Variants in CPXM2 observed in about 807,000 individuals in gnomAD.
CPXM2 encodes inactive carboxypeptidase-like protein X2.
CPXM2 carries 66 observed loss-of-function variants against 86.1 expected under a neutral mutation model. The ratio of observed to expected loss-of-function variants is 0.77; its 90% CI spans 0.63 to 0.94. The LOEUF (loss-of-function observed/expected upper bound fraction) is 0.94, where lower values mean the gene tolerates loss of function less well. CPXM2 is among the 40% of genes least tolerant of loss of function. The probability of loss-of-function intolerance (pLI) is 0.00; values close to 1 mark genes in which losing one functional copy is unlikely to be tolerated. For synonymous variants in CPXM2, 388 were observed against 400.2 expected, an observed-to-expected ratio of 0.97 and a Z score of 0.36; for missense variants, 948 against 1,026.3, an observed-to-expected ratio of 0.92 and a Z score of 1.04.
chr10:123,883,982 T>C (rs975768437), intron 1 of CPXM2, among the ~76,000 whole-genome samples: 1 of 152,190 alleles, frequency 6.6e-6, no homozygotes, highest in South Asian at 2.1e-4. Flanking sequence ...GAATTGCCAA[T>C]GTGGGCCACA....
intron 1 of CPXM2, among the ~76,000 whole-genome samples, chr10:123,886,020 A>G (rs1216802869): frequency 6.6e-6 from 1 of 152,236 alleles, no homozygotes; most frequent in African/African-American, 2.4e-5. Flanking sequence ...GAAATTTGCC[A>G]GCATTAATAG....
intron 2 of CPXM2, among the ~76,000 whole-genome samples, chr10:123,898,115 G>C (rs1175988876): frequency 6.6e-6 from 1 of 152,212 alleles, no homozygotes; most frequent in East Asian, 1.9e-4. Flanking sequence ...CACCACACAA[G>C]AGACACTGAA....
chr10:123,881,253 CTTCCCTTCCCTTTA>C (rs1945087203), intron 1 of CPXM2, among the ~76,000 whole-genome samples: 1 of 130,860 alleles, frequency 7.6e-6, no homozygotes, highest in Non-Finnish European at 1.6e-5. Flanking sequence ...CTTCCCTTCC[CTTCCCTTCCCTTTA>C]CGCTCAAGCT....
intron 7 of CPXM2, chr10:123,776,869 G>A (rs1211342785): frequency 6.6e-6 from 1 of 152,202 alleles, no homozygotes; most frequent in African/African-American, 2.4e-5. Flanking sequence ...ATTTGATGCT[G>A]ACACAATATT....
At chr10:123,797,917 G>A in intron 6 of CPXM2, 59 bp downstream of exon 6, 2 of 1,451,148 alleles carry the variant, frequency 1.4e-6, no homozygotes, top group Admixed American at 4.7e-5. Context: ...TGTCTTGGCT[G>A]GGCATCTGTT....
Position 123,842,339 on chromosome 10 carries a change from G to A in CPXM2, c.653+10C>T, listed in dbSNP as rs1848403096. ...CAGGGTCCAGAAAGCATATGTCCAG[G>A]TACACTCACAGCCAGAGGGAGTTCC... On this transcript the variant is annotated intron_variant, in intron 4 of 13. Coordinates refer to ENST00000241305, the MANE Select transcript of CPXM2 (RefSeq NM_198148.3). 6.2e-7 allele frequency: 1 copy of A among 1,614,164 alleles called. No individual in the cohort carries two copies. Among genetic ancestry groups the A allele is most frequent in the East Asian group, 2.2e-5 (1 of 44,888 alleles).
chr10:123,798,202 A>AT (rs1847376135), intron 5 of CPXM2, 76 bp from the exon 6 acceptor site: 12 of 1,314,814 alleles, frequency 9.1e-6, no homozygotes, highest in Non-Finnish European at 1.2e-5. Context: ...GAATTCACTC[A>AT]TTCAACAAGA....
At chr10:123,892,903 C>T (rs546746944), upstream of CPXM2, among the ~76,000 whole-genome samples, 1 of 152,208 alleles carries the variant, frequency 6.6e-6, no homozygotes, top group African/African-American at 2.4e-5. Flanking sequence ...CTGGTCCTCG[C>T]ACGTGGGCCC....
Position 123,808,428 on chromosome 10 carries a change from C to T in CPXM2, c.654-9229G>A, listed in dbSNP as rs535479829. Among the ~76,000 whole-genome samples the T allele has an allele frequency of 3.3e-5, 5 of 152,164 alleles. No homozygotes were observed. In the South Asian group the frequency reaches 1.0e-3, roughly 32 times the overall value. On this transcript the variant is annotated intron_variant, in intron 4 of 13. Transcript: ENST00000241305. ...CTGAAAAAAAGAATAGTGAGTAATG[C>T]ACAAACACAAAAGCCAGGGTCGCCC...
intron 10 of CPXM2, 26 bp downstream of exon 10, chr10:123,766,947 T>C: frequency 1.3e-6 from 2 of 1,593,840 alleles, no homozygotes; most frequent in Non-Finnish European, 8.6e-7. Flanking sequence ...TTGGCTGCTT[T>C]ACAGATGACG....
intron 6 of CPXM2, among the ~76,000 whole-genome samples, chr10:123,793,027 T>C (rs1396178002): frequency 6.6e-6 from 1 of 152,134 alleles, no homozygotes; most frequent in Non-Finnish European, 1.5e-5. Context: ...GTTATTTTAT[T>C]TGAATGTTTT....
At chr10:123,876,319 T>A (rs1040199959) in intron 2 of CPXM2, among the ~76,000 whole-genome samples, 1 of 152,310 alleles carries the variant, frequency 6.6e-6, no homozygotes, top group East Asian at 1.9e-4. Flanking sequence ...GCTACCAACA[T>A]TGGGTCTATC....
At chr10:123,804,337 G>A (rs1257580183) in intron 4 of CPXM2, among the ~76,000 whole-genome samples, 1 of 152,078 alleles carries the variant, frequency 6.6e-6, no homozygotes, top group Non-Finnish European at 1.5e-5. Context: ...ACCAATTTTG[G>A]GGGAACTGAC....
At chr10:123,901,429 TTGTGTG>T (rs3069582) in intron 2 of CPXM2, among the ~76,000 whole-genome samples, 2,044 of 139,014 alleles carry the variant, frequency 0.015, 86 homozygotes, top group Admixed American at 0.088. Flanking sequence ...CCAAGCAAGT[TTGTGTG>T]TGTGTGTGTG....
intron 4 of CPXM2, among the ~76,000 whole-genome samples, chr10:123,833,916 CT>C (rs34378617): frequency 0.22 from 32,830 of 152,152 alleles, 3,653 homozygotes; most frequent in Middle Eastern, 0.37. Flanking sequence ...CAGCAGACCC[CT>C]TACAGGGCAC....
chr10:123,907,474 C>T (rs1272615997), intron 2 of CPXM2, among the ~76,000 whole-genome samples: 1 of 152,198 alleles, frequency 6.6e-6, no homozygotes, highest in East Asian at 1.9e-4. Context: ...TACCCACCCT[C>T]CCGCAGCACA....
chr10:123,879,502 A>AG (rs1945046692), intron 2 of CPXM2, among the ~76,000 whole-genome samples: 2 of 152,278 alleles, frequency 1.3e-5, no homozygotes, highest in South Asian at 4.1e-4. Flanking sequence ...ACCCATAGTC[A>AG]GGGGGGCACT....
At chr10:123,750,377 C>T in intron 13 of CPXM2, 1 of 971,910 alleles carries the variant, frequency 1.0e-6, no homozygotes, top group African/African-American at 1.8e-5. Flanking sequence ...TCCAGCCACA[C>T]AAGTCTTCCT....
chr10:123,786,239 G>A (rs576759141), intron 6 of CPXM2, among the ~76,000 whole-genome samples: 1 of 152,284 alleles, frequency 6.6e-6, no homozygotes, highest in East Asian at 1.9e-4. Flanking sequence ...AAATAAGCAT[G>A]AAAGATACAA....
Sources: gnomAD v4.1 joint callset for allele counts (sites outside exome capture counted in the v4.1 genomes callset) on GRCh38, gnomAD v4.1.1 for gene constraint, MANE v1.5 for transcripts, NCBI Gene and HGNC (gene_info 2026-07-23, HGNC 2026-07-21) for gene names.